FAM53A: variants seen among roughly 807,000 people sequenced by gnomAD.
FAM53A encodes protein FAM53A.
A neutral mutation model predicts 26.6 loss-of-function variants in FAM53A; 28 were observed. That is an observed-to-expected ratio of 1.05 (90% CI 0.78 to 1.45). FAM53A has a LOEUF of 1.45. Among genes scored for constraint, FAM53A ranks in the 40% most tolerant of loss-of-function variants. The probability of loss-of-function intolerance (pLI) is 0.00; values close to 1 mark genes in which losing one functional copy is unlikely to be tolerated. For synonymous variants in FAM53A, 290 were observed against 253.1 expected (o/e 1.15, Z -1.38); for missense variants, 650 against 575.8 (o/e 1.13, Z -1.32).
intron 1 of FAM53A, among the ~76,000 whole-genome samples, chr4:1,632,949 GCA>G (rs1715672990): frequency 6.6e-6 from 1 of 152,212 alleles, no homozygotes; most frequent in Non-Finnish European, 1.5e-5. Context: ...GCACACACGT[GCA>G]CAGACATACA....
At chr4:1,652,623 ACACCAGACACACC>A (rs1319598828) in intron 4 of FAM53A, among the ~76,000 whole-genome samples, 1 of 143,638 alleles carries the variant, frequency 7.0e-6, no homozygotes, top group East Asian at 2.1e-4. Flanking sequence ...ACACACACAC[ACACCAGACACACC>A]CACCAGACAT....
At chr4:1,590,703 T>G in the FAM53A span, among the ~76,000 whole-genome samples, 1 of 151,978 alleles carries the variant, frequency 6.6e-6, no homozygotes. Flanking sequence ...ACATGGCCTG[T>G]TTTTGTGAAT....
At chr4:1,637,594 G>C (rs1038063195), downstream of FAM53A, among the ~76,000 whole-genome samples, 8 of 152,226 alleles carry the variant, frequency 5.3e-5, no homozygotes, top group South Asian at 8.3e-4. Flanking sequence ...CCTGCAGTGG[G>C]GAAGGCCCCA....
At chr4:1,641,703 C>A in intron 4 of FAM53A, 96 bp from the exon 5 acceptor site, 12 of 1,259,096 alleles carry the variant, frequency 9.5e-6, no homozygotes, top group Non-Finnish European at 1.3e-5. Flanking sequence ...TGCTGGGGCT[C>A]TGGCCATCCC....
intron 1 of FAM53A, among the ~76,000 whole-genome samples, chr4:1,678,227 T>C (rs538585365): frequency 1.3e-5 from 2 of 152,134 alleles, no homozygotes; most frequent in African/African-American, 4.8e-5. Flanking sequence ...ACTACAATCC[T>C]AGCTACTTAG....
chr4:1,585,759 C>G, the FAM53A span, among the ~76,000 whole-genome samples: 1 of 152,354 alleles, frequency 6.6e-6, no homozygotes, highest in East Asian at 1.9e-4. Flanking sequence ...CAGGGTCTCA[C>G]TCTGTCACCC....
intron 1 of FAM53A, among the ~76,000 whole-genome samples, chr4:1,680,797 C>CAA (rs147010948): frequency 6.8e-5 from 10 of 147,866 alleles, no homozygotes; most frequent in African/African-American, 2.0e-4. Context: ...AAAAAACAAA[C>CAA]AAAAAAAAAA....
At chr4:1,654,095 A>G (rs1426681829) in intron 4 of FAM53A, among the ~76,000 whole-genome samples, 1 of 152,130 alleles carries the variant, frequency 6.6e-6, no homozygotes, top group Non-Finnish European at 1.5e-5. Flanking sequence ...ACAGGCTGAC[A>G]CTGATCCCGC....
At chr4:1,657,728 C>T (rs1713503959) in intron 2 of FAM53A, among the ~76,000 whole-genome samples, 1 of 152,148 alleles carries the variant, frequency 6.6e-6, no homozygotes, top group Non-Finnish European at 1.5e-5. Flanking sequence ...AGCTCCGCCT[C>T]TCGGGTTCAC....
chr4:1,581,293 C>T, the FAM53A span, among the ~76,000 whole-genome samples: 1 of 152,162 alleles, frequency 6.6e-6, no homozygotes, highest in Non-Finnish European at 1.5e-5. Context: ...CAGGGCCCCG[C>T]CTGCGGCCCA....
At chr4:1,586,690 G>A in the FAM53A span, among the ~76,000 whole-genome samples, 1 of 150,530 alleles carries the variant, frequency 6.6e-6, no homozygotes, top group East Asian at 2.0e-4. Context: ...GGCTGAGGCA[G>A]GAGAATGGTG....
chr4:1,647,292 A>G (rs6821831), intron 4 of FAM53A, among the ~76,000 whole-genome samples: 35,509 of 150,992 alleles, frequency 0.24, 4,502 homozygotes, highest in Admixed American at 0.32. Context: ...CCGAGATGGC[A>G]CCATTGCACT....
chr4:1,586,307 A>T, the FAM53A span, among the ~76,000 whole-genome samples: 2 of 150,854 alleles, frequency 1.3e-5, no homozygotes, highest in South Asian at 4.2e-4. Context: ...GATTCTCCTG[A>T]CTCAGCCTCC....
rs2108909289 is a variant in FAM53A at position 1,655,579 on chromosome 4, CCTGGGCGCGGGGACTGTGG to C, written c.262_280del (p.Pro88AlafsTer197). On this transcript the variant is annotated frameshift_variant, in exon 4 of 5. Transcript: ENST00000308132. LOFTEE classifies it high-confidence loss of function. ...GGTGCTGGCTGCACCCAGGCCTGCG[CCTGGGCGCGGGGACTGTGG>C]CTGCCACTGAAGACCCATGGTGTGA... The C allele has an allele frequency of 6.3e-7, 1 of 1,582,210 alleles. No individual in the cohort carries two copies. The highest frequency in any genetic ancestry group is 8.6e-7 in the Non-Finnish European group (1 of 1,163,120).
At chr4:1,596,791 CAGAGACAGAGACAAGGGG>C in the FAM53A span, among the ~76,000 whole-genome samples, 27 of 151,884 alleles carry the variant, frequency 1.8e-4, no homozygotes, top group African/African-American at 4.8e-4. Context: ...GAGAGAGAGA[CAGAGACAGAGACAAGGGG>C]AGAGACAGAG....
At chr4:1,619,727 TC>T (rs1714946199) in intron 1 of FAM53A, among the ~76,000 whole-genome samples, 1 of 152,064 alleles carries the variant, frequency 6.6e-6, no homozygotes, top group South Asian at 2.1e-4. Flanking sequence ...GCATTGGAGC[TC>T]CATTTGTACC....
chr4:1,651,843 A>G (rs1212851521), intron 4 of FAM53A, among the ~76,000 whole-genome samples: 2 of 145,806 alleles, frequency 1.4e-5, no homozygotes, highest in African/African-American at 2.5e-5. Flanking sequence ...CATGGATCTG[A>G]GGGATGGATG....
At chr4:1,631,193 G>C (rs989654822) in intron 1 of FAM53A, among the ~76,000 whole-genome samples, 1 of 152,126 alleles carries the variant, frequency 6.6e-6, no homozygotes, top group African/African-American at 2.4e-5. Context: ...ATACGACTTG[G>C]AGCGGGGCTG....
chr4:1,652,051 GCCACACACACA>G (rs1334384344), intron 4 of FAM53A, among the ~76,000 whole-genome samples: 8 of 52,716 alleles, frequency 1.5e-4, no homozygotes, highest in African/African-American at 4.8e-4. Context: ...CACCACACAC[GCCACACACACA>G]CCACATACAC....
Sources: gnomAD v4.1 joint callset for allele counts (sites outside exome capture counted in the v4.1 genomes callset) on GRCh38, gnomAD v4.1.1 for gene constraint, MANE v1.5 for transcripts, NCBI Gene and HGNC (gene_info 2026-07-23, HGNC 2026-07-21) for gene names.